Variants in C8B observed in about 807,000 individuals in gnomAD.
C8B encodes the protein complement component C8 beta chain.
C8B carries 67 observed loss-of-function variants against 64.6 expected under a neutral mutation model. That is an observed-to-expected ratio of 1.04 (90% CI 0.85 to 1.27). The LOEUF is 1.27. Among genes scored for constraint, C8B ranks in the 50% most tolerant of loss-of-function variants. The probability of loss-of-function intolerance (pLI) is 0.00; values close to 1 mark genes in which losing one functional copy is unlikely to be tolerated. For missense variants in C8B, 790 were observed against 725.2 expected, an observed-to-expected ratio of 1.09 and a Z score of -1.03; for synonymous variants, 284 against 257.7, an observed-to-expected ratio of 1.10 and a Z score of -0.98.
At position 56,960,828 on chromosome 1, in the gene C8B, A is replaced by AGTTCCT. The variant is rs776878401; in HGVS notation, c.93-653_93-652insAGGAAC. The stretch of plus-strand genomic sequence containing the variant: ...GGCGGTGGGAAACACAGCAGAAAAT[A>AGTTCCT]AATCTTGATGGGGAAGACTTGAGTT... On this transcript the variant is annotated intron_variant, in intron 1 of 11. Transcript: ENST00000371237. 8.9e-4 allele frequency among the ~76,000 whole-genome samples: 136 copies of AGTTCCT among 152,288 alleles called. 1 individual carries two copies. The highest frequency in any genetic ancestry group is 1.2e-3 in the Non-Finnish European group (84 of 68,020).
In C8B at chr1:56,929,232, A is replaced by T; in HGVS notation, c.*172T>A. The T allele has an allele frequency of 1.4e-6, 1 of 691,130 alleles. No homozygotes were observed. Among genetic ancestry groups the T allele is most frequent in the South Asian group, 1.7e-5 (1 of 59,966 alleles). 42.8% of individuals were successfully genotyped at this position (691,130 alleles called of 1,614,324 possible). A position where few individuals can be genotyped will look rare whatever the true frequency, so the allele number is the denominator to read the frequency against. Reference sequence around the variant, plus strand: ...TGCTTAAGCCTTTAACTCAGTATTTATTTAAATCAACTTGCATTTTACAAG... The same window carrying T: ...TGCTTAAGCCTTTAACTCAGTATTTTTTTAAATCAACTTGCATTTTACAAG... On this transcript the variant is annotated 3_prime_UTR_variant, in exon 12 of 12. Transcript: ENST00000371237.
chr1:56,938,504 T>G (rs1644804795), intron 9 of C8B, among the ~76,000 whole-genome samples: 1 of 152,274 alleles, frequency 6.6e-6, no homozygotes, highest in Admixed American at 6.5e-5. Context: ...TTTTCTGTTT[T>G]TTTAGACATC....
At chr1:56,944,449 C>T (rs1388477510) in intron 7 of C8B, among the ~76,000 whole-genome samples, 1 of 152,168 alleles carries the variant, frequency 6.6e-6, no homozygotes, top group Non-Finnish European at 1.5e-5. Flanking sequence ...AAAAGAGCAA[C>T]TTTGACCACC....
chr1:56,952,465 T>C (rs950429999), intron 4 of C8B, among the ~76,000 whole-genome samples: 1 of 152,148 alleles, frequency 6.6e-6, no homozygotes, highest in Non-Finnish European at 1.5e-5. Flanking sequence ...ACCCAGTCAC[T>C]GTTTTATCTC....
At chr1:56,940,733 C>A (rs1644839435) in intron 9 of C8B, 116 bp downstream of exon 9, 4 of 1,135,848 alleles carry the variant, frequency 3.5e-6, no homozygotes, top group Non-Finnish European at 4.0e-6. Flanking sequence ...GTATATGTGT[C>A]CCAAAATTAG....
chr1:56,953,514 C>A (rs1248397173), intron 4 of C8B, among the ~76,000 whole-genome samples: 2 of 152,170 alleles, frequency 1.3e-5, no homozygotes, highest in Non-Finnish European at 1.5e-5. Context: ...AACCCAGAGT[C>A]TCCCTGCCGG....
intron 9 of C8B, among the ~76,000 whole-genome samples, chr1:56,934,221 C>T (rs1644744708): frequency 6.8e-6 from 1 of 147,660 alleles, no homozygotes; most frequent in Non-Finnish European, 1.5e-5. Flanking sequence ...GGCAATGTCT[C>T]AGCTCTGTGT....
chr1:56,954,827 C>T lies in C8B; in HGVS notation c.392G>A (p.Gly131Glu). 3.7e-6 allele frequency: 6 copies of T among 1,614,108 alleles called. No individual in the cohort carries two copies. Among genetic ancestry groups the T allele is most frequent in the Non-Finnish European group, 5.1e-6 (6 of 1,179,990 alleles). The change falls in exon 4 of 12, where the codon GGA (glycine) becomes GAA (glutamate). Residue 131 changes from glycine (G) to glutamate (E), a missense_variant and splice_region_variant. Physicochemically the swap from Gly to Glu is moderately conservative, Grantham distance 98. Transcript: ENST00000371237. ...RCEGFVCAQT[G>E]RCVNRRLLCN... Reference sequence around the variant, plus strand: ...AAGAAGTCTGCGGTTTACACACCTTCCTAGAATGGAGAAAGAGTATTACCC... The same window carrying T: ...AAGAAGTCTGCGGTTTACACACCTTTCTAGAATGGAGAAAGAGTATTACCC...
intron 7 of C8B, 58 bp downstream of exon 7, chr1:56,945,763 T>C: frequency 6.2e-7 from 1 of 1,609,828 alleles, no homozygotes; most frequent in Non-Finnish European, 8.5e-7. Flanking sequence ...AACTACAAGT[T>C]CAACTTATGA....
rs766354750 is a variant in C8B, at chr1:56,931,792, CT to C, written c.1621+17del. On this transcript the variant is annotated intron_variant, in intron 11 of 11. Coordinates refer to ENST00000371237, the MANE Select transcript of C8B (RefSeq NM_000066.4). The stretch of plus-strand genomic sequence containing the variant: ...TATTCTCTGGACCTCCCCAGAGTTC[CT>C]TTTCCAATTAACTTACTCTTCCGAT... 5.7e-6 allele frequency: 9 copies of C among 1,580,060 alleles called. No homozygotes were observed. Among genetic ancestry groups the C allele is most frequent in the Non-Finnish European group, 7.8e-6 (9 of 1,151,186 alleles).
intron 5 of C8B, among the ~76,000 whole-genome samples, chr1:56,950,524 T>G (rs1191780356): frequency 6.6e-6 from 1 of 152,154 alleles, no homozygotes. Context: ...CTGAGTCATC[T>G]CCCTGCCCAC....
intron 10 of C8B, among the ~76,000 whole-genome samples, chr1:56,932,768 G>C (rs1233013018): frequency 6.6e-6 from 1 of 152,038 alleles, no homozygotes; most frequent in Non-Finnish European, 1.5e-5. Context: ...CATCCACGTG[G>C]GCTCTGCCTT....
At chr1:56,959,473 G>A in intron 2 of C8B, 1 of 1,072,284 alleles carries the variant, frequency 9.3e-7, no homozygotes, top group Non-Finnish European at 1.4e-6. Context: ...CTGAGTAGGA[G>A]TTTCAAATTG....
At chr1:56,941,509 CATAGATAG>C (rs200918831) in intron 8 of C8B, among the ~76,000 whole-genome samples, 5,454 of 86,730 alleles carry the variant, frequency 0.063, 270 homozygotes, top group African/African-American at 0.16. Flanking sequence ...TAGATAGATA[CATAGATAG>C]ATAGATAGAT....
chr1:56,959,870 A>T (rs1193892221), intron 2 of C8B, 150 bp downstream of exon 2: 4 of 903,566 alleles, frequency 4.4e-6, no homozygotes, highest in Non-Finnish European at 5.3e-6. Flanking sequence ...TGCTGCTTGG[A>T]AGCACAGAAG....
chr1:56,959,819 T>C (rs1399125325), intron 2 of C8B, among the ~76,000 whole-genome samples: 1 of 152,204 alleles, frequency 6.6e-6, no homozygotes, highest in Non-Finnish European at 1.5e-5. Context: ...AAAGGCTGGG[T>C]GTGCTTGGAA....
chr1:56,937,154 G>A (rs1210071203), intron 9 of C8B, among the ~76,000 whole-genome samples: 2 of 152,196 alleles, frequency 1.3e-5, no homozygotes, highest in Non-Finnish European at 2.9e-5. Flanking sequence ...TTTGAAGGCA[G>A]GTTTGCAATG....
chr1:56,965,398 A>AGAGAGTGTGTGTGTGTGT (rs1553120321), intron 1 of C8B, among the ~76,000 whole-genome samples: 2,281 of 142,606 alleles, frequency 0.016, 35 homozygotes, highest in East Asian at 0.051. Context: ...AGAGAGAGAG[A>AGAGAGTGTGTGTGTGTGT]GTGTGTGTGT....
chr1:56,957,046 C>G, intron 2 of C8B, 136 bp from the exon 3 acceptor site: 1 of 897,614 alleles, frequency 1.1e-6, no homozygotes, highest in Non-Finnish European at 1.8e-6. Context: ...ATCATTCCCC[C>G]AGCCCCTTGT....
Sources: gnomAD v4.1 joint callset for allele counts (sites outside exome capture counted in the v4.1 genomes callset) on GRCh38, gnomAD v4.1.1 for gene constraint, MANE v1.5 for transcripts, NCBI Gene and HGNC (gene_info 2026-07-23, HGNC 2026-07-21) for gene names.